Variants in FER1L6 observed in about 807,000 individuals in gnomAD.
The protein encoded by FER1L6 is fer-1-like protein 6.
A neutral mutation model predicts 219.2 loss-of-function variants in FER1L6; 177 were observed. The ratio of observed to expected loss-of-function variants is 0.81; its 90% CI spans 0.71 to 0.91. FER1L6 has a LOEUF of 0.91. Among genes scored for constraint, FER1L6 ranks in the 40% least tolerant of loss-of-function variants. FER1L6 has a pLI of 0.00. For synonymous variants in FER1L6, 768 were observed against 824.3 expected (o/e 0.93, Z 1.17); for missense variants, 2,153 against 2,259.9 (o/e 0.95, Z 0.96).
At chr8:124,109,684 T>C (rs1284759386) in intron 39 of FER1L6, among the ~76,000 whole-genome samples, 1 of 152,204 alleles carries the variant, frequency 6.6e-6, no homozygotes, top group Non-Finnish European at 1.5e-5. Flanking sequence ...TAGATGATCA[T>C]GTTGCTCCTT....
chr8:124,066,828 C>T (rs1343992347), intron 27 of FER1L6, among the ~76,000 whole-genome samples: 2 of 152,070 alleles, frequency 1.3e-5, no homozygotes, highest in East Asian at 1.9e-4. Flanking sequence ...GAGGATCTGC[C>T]CCCACAGCCA....
rs978907204 is a variant in FER1L6 at position 124,111,183 on chromosome 8, G to A, written c.5290-7661G>A. On this transcript the variant is annotated intron_variant, in intron 39 of 40. Transcript: ENST00000522917. This position sits in a 1 kb window ranked among gnomAD's most constrained non-coding sequence, Gnocchi z 5.0. ...CTTTTCTAAAGTAAATGCTCTAAGA[G>A]AAAAGAAAAGGGGGAAGGAAATCTC... Among the ~76,000 whole-genome samples, 7 of 152,168 alleles carry A rather than the reference G, an allele frequency of 4.6e-5. No individual in the cohort carries two copies. Among genetic ancestry groups the A allele is most frequent in the African/African-American group, 1.7e-4 (7 of 41,428 alleles).
At chr8:123,963,191 C>G in intron 2 of FER1L6, 87 bp from the exon 3 acceptor site, 5 of 1,555,156 alleles carry the variant, frequency 3.2e-6, no homozygotes, top group Non-Finnish European at 4.4e-6. Context: ...ACTTATGGTG[C>G]CTGCCACAGG....
intron 7 of FER1L6, among the ~76,000 whole-genome samples, chr8:123,974,647 G>C (rs904443751): frequency 2.2e-4 from 16 of 72,774 alleles, no homozygotes; most frequent in African/African-American, 6.8e-4. Context: ...GCATCACAGC[G>C]AGACTCTGTC....
intron 1 of FER1L6, among the ~76,000 whole-genome samples, chr8:123,907,899 A>G (rs540715931): frequency 9.4e-4 from 143 of 152,034 alleles, no homozygotes; most frequent in Non-Finnish European, 1.9e-3. Flanking sequence ...CACAGCACAC[A>G]TGGGACATTC....
chr8:123,952,088 G>A (rs1053589555), intron 1 of FER1L6, among the ~76,000 whole-genome samples: 2 of 151,272 alleles, frequency 1.3e-5, no homozygotes, highest in Admixed American at 6.6e-5. Context: ...CATTAGCTAC[G>A]TGTACAGCTT....
chr8:124,011,826 C>T (rs77524347), intron 14 of FER1L6, among the ~76,000 whole-genome samples: 4,824 of 152,214 alleles, frequency 0.032, 244 homozygotes, highest in African/African-American at 0.11. Flanking sequence ...TCATACTTTA[C>T]AATATATTTG....
At chr8:123,885,164 C>T (rs1305103995) in intron 1 of FER1L6, among the ~76,000 whole-genome samples, 2 of 152,160 alleles carry the variant, frequency 1.3e-5, no homozygotes, top group Non-Finnish European at 2.9e-5. Context: ...ACAGCCCTCC[C>T]AGCACCTTAG....
At chr8:123,971,307 GACAA>G (rs1182684337) in intron 6 of FER1L6, among the ~76,000 whole-genome samples, 1 of 152,180 alleles carries the variant, frequency 6.6e-6, no homozygotes, top group Non-Finnish European at 1.5e-5. Flanking sequence ...GTCACCCAGA[GACAA>G]ACAATCTTAA....
chr8:124,045,392 G>T (rs1819681189), intron 20 of FER1L6, among the ~76,000 whole-genome samples: 1 of 152,178 alleles, frequency 6.6e-6, no homozygotes, highest in Non-Finnish European at 1.5e-5. Flanking sequence ...CAGAATTATT[G>T]TGAGGGTTGA....
intron 39 of FER1L6, among the ~76,000 whole-genome samples, chr8:124,106,921 A>T (rs1417035137): frequency 1.3e-5 from 2 of 149,686 alleles, no homozygotes; most frequent in African/African-American, 4.9e-5. Context: ...AATTGACCCT[A>T]GTATAAGAGA....
intron 17 of FER1L6, among the ~76,000 whole-genome samples, chr8:124,023,227 TA>T (rs915679261): frequency 7.9e-5 from 12 of 152,244 alleles, no homozygotes; most frequent in Admixed American, 6.5e-4. Flanking sequence ...TATGCACTTT[TA>T]ACTCATGACC....
At chr8:124,024,815 T>G (rs1462890818) in intron 18 of FER1L6, among the ~76,000 whole-genome samples, 2 of 152,192 alleles carry the variant, frequency 1.3e-5, no homozygotes, top group African/African-American at 4.8e-5. Context: ...TAATTTACAG[T>G]CCCATCAGCA....
At chr8:123,988,926 G>GT (rs1408458890) in intron 12 of FER1L6, among the ~76,000 whole-genome samples, 2 of 151,938 alleles carry the variant, frequency 1.3e-5, no homozygotes, top group South Asian at 2.1e-4. Context: ...AAGGCTTTCA[G>GT]TTTTTTTTCC....
intron 29 of FER1L6, among the ~76,000 whole-genome samples, chr8:124,070,103 G>A (rs1430405617): frequency 1.3e-5 from 2 of 152,092 alleles, no homozygotes; most frequent in African/African-American, 4.8e-5. Flanking sequence ...TATGTGTTCA[G>A]AATTAGATAT....
intron 1 of FER1L6, among the ~76,000 whole-genome samples, chr8:123,866,609 C>G (rs909311513): frequency 6.6e-6 from 1 of 152,142 alleles, no homozygotes; most frequent in Non-Finnish European, 1.5e-5. Flanking sequence ...TTCTCACCAA[C>G]AGCACAGCAA....
chr8:123,886,448 A>G (rs2129681399), intron 1 of FER1L6, among the ~76,000 whole-genome samples: 1 of 152,318 alleles, frequency 6.6e-6, no homozygotes, highest in African/African-American at 2.4e-5. Flanking sequence ...CCTCACATGC[A>G]TCAGGTTCCC....
chr8:123,950,602 C>A (rs1814714668), intron 1 of FER1L6, among the ~76,000 whole-genome samples: 1 of 152,188 alleles, frequency 6.6e-6, no homozygotes, highest in African/African-American at 2.4e-5. Flanking sequence ...AGGTGTATTT[C>A]CTAGACTCAG....
At chr8:123,890,292 T>G (rs777552014) in intron 1 of FER1L6, among the ~76,000 whole-genome samples, 13 of 152,106 alleles carry the variant, frequency 8.5e-5, no homozygotes, top group Non-Finnish European at 1.5e-4. Flanking sequence ...ACTGGGAGCA[T>G]AATATCTATC....
Sources: gnomAD v4.1 joint callset for allele counts (sites outside exome capture counted in the v4.1 genomes callset) on GRCh38, gnomAD v4.1.1 for gene constraint, Gnocchi (gnomAD v3.1) non-coding constraint, MANE v1.5 for transcripts, NCBI Gene and HGNC (gene_info 2026-07-23, HGNC 2026-07-21) for gene names.